PTPRD: variants seen among roughly 807,000 people sequenced by gnomAD.
The protein encoded by PTPRD is protein tyrosine phosphatase receptor type D.
In PTPRD, 34 loss-of-function variants were observed where a neutral mutation model predicts 214.5. The ratio of observed to expected loss-of-function variants is 0.16; its 90% CI spans 0.12 to 0.21. The LOEUF is 0.21. Among genes scored for constraint, PTPRD ranks in the 10% least tolerant of loss-of-function variants. PTPRD has a pLI of 1.00. For synonymous variants in PTPRD, 1,128 were observed against 845.7 expected (o/e 1.33, Z -5.79); for missense variants, 2,545 against 2,398.7 (o/e 1.06, Z -1.27).
chr9:10,039,332 G>T (rs2097253542), intron 3 of PTPRD, among the ~76,000 whole-genome samples: 1 of 152,084 alleles, frequency 6.6e-6, no homozygotes, highest in Non-Finnish European at 1.5e-5. Flanking sequence ...AATCCCAATT[G>T]TCCATGTCCC....
intron 9 of PTPRD, among the ~76,000 whole-genome samples, chr9:9,319,867 C>T (rs895295023): frequency 6.6e-6 from 1 of 152,146 alleles, no homozygotes. Context: ...GTCTCTATAA[C>T]AAATTTTATT....
intron 12 of PTPRD, among the ~76,000 whole-genome samples, chr9:8,687,826 G>A (rs149737819): frequency 4.6e-5 from 7 of 150,860 alleles, no homozygotes; most frequent in Non-Finnish European, 7.4e-5. Context: ...AGAACTTTAC[G>A]TACATCAGTG....
At chr9:10,555,821 T>G (rs932891289) in intron 2 of PTPRD, among the ~76,000 whole-genome samples, 3 of 152,148 alleles carry the variant, frequency 2.0e-5, no homozygotes, top group African/African-American at 7.2e-5. Context: ...CCTCTAAGAT[T>G]CTTTCAAGTA....
intron 3 of PTPRD, among the ~76,000 whole-genome samples, chr9:10,059,133 G>A (rs1004083933): frequency 2.0e-5 from 3 of 152,116 alleles, no homozygotes; most frequent in African/African-American, 7.2e-5. Context: ...ACAGCATTAT[G>A]TGTTGGCCTG....
chr9:9,825,432 A>G (rs1014294490), intron 5 of PTPRD, among the ~76,000 whole-genome samples: 4 of 151,402 alleles, frequency 2.6e-5, no homozygotes, highest in Non-Finnish European at 5.9e-5. Context: ...AAAAGGGAGA[A>G]AGGAGGAAGA....
At chr9:9,693,122 G>T (rs1453556577) in intron 7 of PTPRD, among the ~76,000 whole-genome samples, 1 of 151,074 alleles carries the variant, frequency 6.6e-6, no homozygotes, top group African/African-American at 2.5e-5. Context: ...TCTTTCTCTT[G>T]TCTGTTTGGT....
Position 10,531,315 on chromosome 9 carries a change from A to G in PTPRD, c.-600+81083T>C, listed in dbSNP as rs184665221. Among the ~76,000 whole-genome samples, 525 of 152,322 alleles carry G rather than the reference A, an allele frequency of 3.4e-3. 1 individual carries two copies. Among genetic ancestry groups the G allele is most frequent in the Middle Eastern group, 6.8e-3 (2 of 294 alleles). On this transcript the variant is annotated intron_variant, in intron 2 of 45. Transcript: ENST00000381196. The stretch of plus-strand genomic sequence containing the variant: ...ACTTAAAAGATCTACATCATATTAC[A>G]GTCAGTTCTGCTATAACAGAATAAG...
At chr9:9,391,691 A>G (rs779742377) in intron 9 of PTPRD, among the ~76,000 whole-genome samples, 11 of 152,168 alleles carry the variant, frequency 7.2e-5, no homozygotes, top group Non-Finnish European at 1.3e-4. Flanking sequence ...TCTTCCATTT[A>G]TAGTAATATG....
intron 11 of PTPRD, among the ~76,000 whole-genome samples, chr9:8,846,359 G>A (rs2097696028): frequency 6.6e-6 from 1 of 152,102 alleles, no homozygotes; most frequent in Non-Finnish European, 1.5e-5. Context: ...CACCGAGCCA[G>A]GCCATGTAGT....
chr9:9,097,612 G>C (rs568590427), intron 10 of PTPRD, among the ~76,000 whole-genome samples: 2 of 151,716 alleles, frequency 1.3e-5, no homozygotes, highest in Admixed American at 1.3e-4. Flanking sequence ...GGGTTTCACC[G>C]TGTCAGCCAG....
chr9:9,744,312 T>C (rs1424621295), intron 6 of PTPRD, among the ~76,000 whole-genome samples: 7 of 152,160 alleles, frequency 4.6e-5, no homozygotes, highest in African/African-American at 1.2e-4. Context: ...GTGGCTGCAA[T>C]TGAGGCAAAC....
At chr9:8,849,734 G>A (rs558058604) in intron 11 of PTPRD, among the ~76,000 whole-genome samples, 1 of 152,124 alleles carries the variant, frequency 6.6e-6, no homozygotes, top group Non-Finnish European at 1.5e-5. Context: ...ACTGCACAAG[G>A]GCAGAGTATC....
chr9:9,954,020 G>A (rs1023189268), intron 4 of PTPRD, among the ~76,000 whole-genome samples: 19 of 152,160 alleles, frequency 1.2e-4, no homozygotes, highest in African/African-American at 4.3e-4. Flanking sequence ...GAGCAGGCTG[G>A]TTGCGGTGGC....
intron 4 of PTPRD, among the ~76,000 whole-genome samples, chr9:9,998,686 T>C (rs1169644946): frequency 6.6e-6 from 1 of 152,064 alleles, no homozygotes; most frequent in African/African-American, 2.4e-5. Context: ...AAGCAAGAAG[T>C]ACACAAGGCA....
At chr9:8,360,512 T>C (rs564582471) in intron 39 of PTPRD, among the ~76,000 whole-genome samples, 2 of 152,312 alleles carry the variant, frequency 1.3e-5, no homozygotes, top group South Asian at 2.1e-4. Context: ...ACTGAACATA[T>C]AGATCAAGGT....
intron 3 of PTPRD, among the ~76,000 whole-genome samples, chr9:10,313,490 C>G (rs2096330463): frequency 6.6e-6 from 1 of 151,456 alleles, no homozygotes; most frequent in South Asian, 2.1e-4. Flanking sequence ...AATAGTTTTC[C>G]CAAGACAAAA....
At chr9:10,394,881 T>C (rs1206477151) in intron 2 of PTPRD, among the ~76,000 whole-genome samples, 2 of 151,864 alleles carry the variant, frequency 1.3e-5, no homozygotes, top group African/African-American at 4.8e-5. Flanking sequence ...AGATAATGCT[T>C]TTATGGTGCT....
At chr9:9,170,919 C>G (rs181618406) in intron 10 of PTPRD, among the ~76,000 whole-genome samples, 1 of 152,200 alleles carries the variant, frequency 6.6e-6, no homozygotes, top group Admixed American at 6.5e-5. Context: ...GGAATTAAGT[C>G]CAGATGCAAG....
intron 10 of PTPRD, among the ~76,000 whole-genome samples, chr9:9,074,004 G>C (rs947431366): frequency 6.6e-6 from 1 of 152,074 alleles, no homozygotes; most frequent in Non-Finnish European, 1.5e-5. Context: ...AATTATGTGA[G>C]ATGTCAAGTG....
Sources: gnomAD v4.1 joint callset for allele counts (sites outside exome capture counted in the v4.1 genomes callset) on GRCh38, gnomAD v4.1.1 for gene constraint, MANE v1.5 for transcripts, NCBI Gene and HGNC (gene_info 2026-07-23, HGNC 2026-07-21) for gene names.